The following DNMT3A variants were observed in gnomAD, a reference collection of about 807,000 sequenced individuals.
DNMT3A encodes the protein DNA (cytosine-5)-methyltransferase 3A.
Under a neutral mutation model 117.6 loss-of-function variants are expected in DNMT3A, and 267 were observed. The observed-to-expected ratio is 2.27, with a 90% CI of 2.05 to 2.51. The LOEUF (loss-of-function observed/expected upper bound fraction) is 2.51. DNMT3A is among the 30% of genes most tolerant of loss of function. The pLI is 0.00. For synonymous variants in DNMT3A, 432 were observed against 474.8 expected, an observed-to-expected ratio of 0.91 and a Z score of 1.17; for missense variants, 1,029 against 1,260.2, an observed-to-expected ratio of 0.82 and a Z score of 2.78.
In DNMT3A at chr2:25,234,195, A is replaced by G; in HGVS notation, c.*84T>C. On this transcript the variant is annotated 3_prime_UTR_variant, in exon 23 of 23. Transcript: ENST00000321117. This position sits in a 1 kb window ranked among gnomAD's most constrained non-coding sequence, Gnocchi z 4.5. ...GGTGCTGATACTTCTCTCCATCCTC[A>G]TGTTCTTGGTGTTTTATTATGTTTT... is the stretch of plus-strand genomic sequence containing the variant. 6.6e-7 allele frequency: 1 copy of G among 1,521,496 alleles called. No homozygotes were observed. The highest frequency in any genetic ancestry group is 8.9e-7 in the Non-Finnish European group (1 of 1,129,032). 94.2% of individuals were successfully genotyped at this position (1,521,496 alleles called of 1,614,324 possible). A position where few individuals can be genotyped will look rare whatever the true frequency, so the allele number is the denominator to read the frequency against.
intron 1 of DNMT3A, among the ~76,000 whole-genome samples, chr2:25,324,706 C>G (rs530019483): frequency 6.6e-6 from 1 of 152,250 alleles, no homozygotes; most frequent in South Asian, 2.1e-4. Context: ...GTCAACTCTT[C>G]CCCCTCCTGT....
In DNMT3A at chr2:25,232,751, T is replaced by C. The variant is rs573062531; in HGVS notation, c.*1528A>G. ...ACCTAAAGGGAAGGGTGTTGGGTTT[T>C]TGTTTTCTTAAAGAAAATCTTAAAA... On this transcript the variant is annotated 3_prime_UTR_variant, in exon 23 of 23. Transcript: ENST00000321117. The surrounding 1 kb of genome is among the most constrained non-coding windows in gnomAD (Gnocchi z 4.1). The C allele has an allele frequency of 2.0e-4, 37 of 184,408 alleles. No individual in the cohort carries two copies. Among genetic ancestry groups the C allele is most frequent in the African/African-American group, 8.2e-4 (35 of 42,732 alleles). 11.4% of individuals were successfully genotyped at this position (184,408 alleles called of 1,614,324 possible).
intron 2 of DNMT3A, among the ~76,000 whole-genome samples, chr2:25,312,332 T>C (rs2034167773): frequency 6.6e-6 from 1 of 152,184 alleles, no homozygotes. Flanking sequence ...CTATCAGTTC[T>C]TTTCCCATGG....
intron 6 of DNMT3A, among the ~76,000 whole-genome samples, chr2:25,256,187 G>A (rs906714857): frequency 1.3e-5 from 2 of 152,170 alleles, no homozygotes; most frequent in South Asian, 4.2e-4. Flanking sequence ...GGTCAGGATG[G>A]ATGTCTGTTC....
intron 6 of DNMT3A, among the ~76,000 whole-genome samples, chr2:25,272,826 G>C (rs1208869938): frequency 2.6e-5 from 3 of 114,864 alleles, no homozygotes; most frequent in East Asian, 4.6e-4. Flanking sequence ...TTTTGAGACG[G>C]AATTTTGCTC....
intron 1 of DNMT3A, among the ~76,000 whole-genome samples, chr2:25,329,033 T>A (rs542749828): frequency 2.4e-4 from 37 of 152,172 alleles, no homozygotes; most frequent in Non-Finnish European, 7.4e-5. Context: ...TCTTCAGGGC[T>A]TGGGAGCGGC....
At chr2:25,259,603 T>G (rs1676439362) in intron 6 of DNMT3A, among the ~76,000 whole-genome samples, 2 of 152,210 alleles carry the variant, frequency 1.3e-5, no homozygotes. Flanking sequence ...GACGTGTCGA[T>G]GCTGTCACTT....
At chr2:25,288,991 C>G (rs898991068) in intron 3 of DNMT3A, among the ~76,000 whole-genome samples, 1 of 152,214 alleles carries the variant, frequency 6.6e-6, no homozygotes, top group African/African-American at 2.4e-5. Context: ...CCAATGCATG[C>G]CACGTTTGTT....
intron 6 of DNMT3A, chr2:25,249,701 T>G (rs201621369): frequency 6.2e-7 from 1 of 1,614,184 alleles, no homozygotes; most frequent in East Asian, 2.2e-5. Flanking sequence ...CGCCCATTCC[T>G]TCTCACAACC....
At chr2:25,253,213 C>G (rs1675807411) in intron 6 of DNMT3A, among the ~76,000 whole-genome samples, 1 of 152,102 alleles carries the variant, frequency 6.6e-6, no homozygotes, top group Non-Finnish European at 1.5e-5. Context: ...GCACCTACCC[C>G]CAAGGCAGAC....
chr2:25,328,693 G>A (rs777868496), intron 1 of DNMT3A: 5 of 520,392 alleles, frequency 9.6e-6, no homozygotes, highest in Non-Finnish European at 1.6e-5. Context: ...GCACAGTGCT[G>A]CGGTGCCTAG....
rs114487225 is a variant in DNMT3A at position 25,291,314 on chromosome 2, C to T, written c.178-8603G>A. On this transcript the variant is annotated intron_variant, in intron 3 of 22. Coordinates refer to ENST00000321117, the MANE Select transcript of DNMT3A (RefSeq NM_022552.5). ...GCATTGGCACGGGGCCATGACTGCC[C>T]GCCCCCGCCCTTCCGGCAGCCCCCT... is the stretch of plus-strand genomic sequence containing the variant. Among the ~76,000 whole-genome samples, 1,198 of 152,356 alleles carry T rather than the reference C, an allele frequency of 7.9e-3. 20 individuals carry two copies. The highest frequency in any genetic ancestry group is 0.027 in the African/African-American group (1,132 of 41,586).
rs1027166016 is a variant in DNMT3A at position 25,339,471 on chromosome 2, C to T, written c.-178+2355G>A. 1.3e-5 allele frequency among the ~76,000 whole-genome samples: 2 copies of T among 152,176 alleles called. No homozygotes were observed. Among genetic ancestry groups the T allele is most frequent in the Admixed American group, 6.5e-5 (1 of 15,274 alleles). On this transcript the variant is annotated intron_variant, in intron 1 of 22. Transcript: ENST00000321117. This position sits in a 1 kb window ranked among gnomAD's most constrained non-coding sequence, Gnocchi z 4.9. ...GAGGGAAGTTTGGTCGGCCTGAATC[C>T]GCAGCTGCTTATCTGGGGAGGAGCT...
rs1044100475 is a variant in DNMT3A at position 25,281,678 on chromosome 2, C to T, written c.448+763G>A. On this transcript the variant is annotated intron_variant, in intron 4 of 22. Transcript: ENST00000321117. The surrounding 1 kb of genome is among the most constrained non-coding windows in gnomAD (Gnocchi z 4.8). ...GAAAGCGCTTTGTAAACTGTGAAGCCCTGTACAAATGCTAGTTGTCCTCAT... is the reference window on the plus strand; with the variant it reads ...GAAAGCGCTTTGTAAACTGTGAAGCTCTGTACAAATGCTAGTTGTCCTCAT... The T allele has an allele frequency of 1.9e-6, 2 of 1,065,530 alleles. No individual in the cohort carries two copies. Among genetic ancestry groups the T allele is most frequent in the African/African-American group, 1.6e-5 (1 of 61,040 alleles). 66.0% of individuals were successfully genotyped at this position (1,065,530 alleles called of 1,614,324 possible). A position where few individuals can be genotyped will look rare whatever the true frequency, so the allele number is the denominator to read the frequency against.
At chr2:25,264,885 A>G (rs779382924) in intron 6 of DNMT3A, among the ~76,000 whole-genome samples, 4 of 152,372 alleles carry the variant, frequency 2.6e-5, no homozygotes, top group South Asian at 4.1e-4. Context: ...GGTAATAAAG[A>G]GAGTGCAGAT....
At chr2:25,287,080 G>C (rs2032364930) in intron 3 of DNMT3A, among the ~76,000 whole-genome samples, 1 of 152,242 alleles carries the variant, frequency 6.6e-6, no homozygotes, top group African/African-American at 2.4e-5. Flanking sequence ...ACTCAAGCTA[G>C]AGGGAGTTTC....
chr2:25,313,616 T>A (rs554282600), intron 2 of DNMT3A, among the ~76,000 whole-genome samples: 2 of 152,164 alleles, frequency 1.3e-5, no homozygotes, highest in South Asian at 4.1e-4. Flanking sequence ...GTTCTGGGAC[T>A]CTCTGTGAGG....
Position 25,240,714 on chromosome 2 carries a change from G to C in DNMT3A, c.2099C>G (p.Pro700Arg). ...ACTGCCCCCAATCACCAGATCGAAT[G>C]GGCCCCACTCCTGGATCTGGGAGGA... ...VTQKHIQEWG[P>R]FDLVIGGSPC... is the part of the protein sequence containing the mutation. The change falls in exon 18 of 23, where the codon CCA becomes CGA. Residue 700 changes from proline (P) to arginine (R), a missense_variant. Transcript: ENST00000321117. 1 of 1,614,208 alleles carries C rather than the reference G, an allele frequency of 6.2e-7. No homozygotes were observed. The highest frequency in any genetic ancestry group is 8.5e-7 in the Non-Finnish European group (1 of 1,180,024).
At chr2:25,330,382 C>T (rs541332069) in intron 1 of DNMT3A, among the ~76,000 whole-genome samples, 8 of 152,276 alleles carry the variant, frequency 5.3e-5, no homozygotes, top group East Asian at 1.9e-4. Context: ...AGAGACAGCC[C>T]GACTCCCACC....
Sources: gnomAD v4.1 joint callset for allele counts (sites outside exome capture counted in the v4.1 genomes callset) on GRCh38, gnomAD v4.1.1 for gene constraint, Gnocchi (gnomAD v3.1) non-coding constraint, MANE v1.5 for transcripts, NCBI Gene and HGNC (gene_info 2026-07-23, HGNC 2026-07-21) for gene names.